SI: variants seen among roughly 807,000 people sequenced by gnomAD.
The protein encoded by SI is sucrase-isomaltase.
Under a neutral mutation model 253.3 loss-of-function variants are expected in SI, and 235 were observed. That is an observed-to-expected ratio of 0.93 (90% CI 0.83 to 1.03). SI has a LOEUF of 1.03. Among genes scored for constraint, SI ranks in the 50% least tolerant of loss-of-function variants. The pLI is 0.00. For missense variants in SI, 2,442 were observed against 2,211.1 expected (o/e 1.10, Z -2.09); for synonymous variants, 819 against 712.0 (o/e 1.15, Z -2.39).
intron 12 of SI, among the ~76,000 whole-genome samples, chr3:165,055,896 C>T (rs1306557672): frequency 6.6e-6 from 1 of 151,946 alleles, no homozygotes; most frequent in Non-Finnish European, 1.5e-5. Context: ...AGAAGTGATG[C>T]CCAGAGAAGT....
intron 3 of SI, among the ~76,000 whole-genome samples, chr3:165,072,403 T>C (rs1714641299): frequency 6.6e-6 from 1 of 151,836 alleles, no homozygotes; most frequent in Non-Finnish European, 1.5e-5. Flanking sequence ...TAAAGATACA[T>C]AGCTATAAAT....
intron 38 of SI, among the ~76,000 whole-genome samples, chr3:164,997,180 T>C (rs2108136560): frequency 6.6e-6 from 1 of 151,868 alleles, no homozygotes; most frequent in East Asian, 1.9e-4. Flanking sequence ...TGAAAAAAAC[T>C]GAACCATTCT....
intron 3 of SI, among the ~76,000 whole-genome samples, chr3:165,074,021 A>G (rs775953504): frequency 1.3e-5 from 2 of 152,082 alleles, no homozygotes; most frequent in Admixed American, 6.6e-5. Context: ...AAAAAAAGGA[A>G]GAGTGAACTT....
chr3:165,065,741 T>C (rs1277574533), intron 6 of SI, among the ~76,000 whole-genome samples: 2 of 151,546 alleles, frequency 1.3e-5, no homozygotes, highest in African/African-American at 2.4e-5. Flanking sequence ...GGATAATTAA[T>C]TGATGTTTTT....
chr3:165,061,413 G>A (rs551392617), intron 9 of SI, among the ~76,000 whole-genome samples: 14 of 151,886 alleles, frequency 9.2e-5, no homozygotes, highest in South Asian at 4.2e-4. Context: ...AACTTTCTGC[G>A]CTTCTTTTCT....
the SI span, among the ~76,000 whole-genome samples, chr3:165,089,303 A>G: frequency 6.6e-6 from 1 of 152,156 alleles, no homozygotes; most frequent in African/African-American, 2.4e-5. Flanking sequence ...TTATAAGTAA[A>G]AATAAAGATG....
intron 1 of SI, among the ~76,000 whole-genome samples, chr3:165,076,543 C>G (rs1460338164): frequency 6.6e-6 from 1 of 151,614 alleles, no homozygotes; most frequent in Admixed American, 6.6e-5. Flanking sequence ...ACACTACTTT[C>G]CACAATATTG....
chr3:164,980,049 C>A (rs1475312716), intron 47 of SI, among the ~76,000 whole-genome samples: 2 of 151,698 alleles, frequency 1.3e-5, no homozygotes, highest in Non-Finnish European at 3.0e-5. Context: ...ACCATTGCTC[C>A]TTTTTGTCCA....
chr3:165,060,868 A>AAT lies in SI; in HGVS notation c.1021-843_1021-842dup, dbSNP rs1046617257. On this transcript the variant is annotated intron_variant, in intron 9 of 47. Transcript: ENST00000264382. ...ATATCTGGTATATATATTAAAAAAA[A>AAT]ATATATATATATATAGGATCCATGA... is the stretch of plus-strand genomic sequence containing the variant. Among the ~76,000 whole-genome samples, 31 of 145,408 alleles carry AAT rather than the reference A, an allele frequency of 2.1e-4. No homozygotes were observed. The South Asian group carries it at 3.0e-3, about 14-fold the overall frequency.
intron 46 of SI, 146 bp from the exon 47 acceptor site, chr3:164,982,556 A>C (rs2108108870): frequency 1.5e-6 from 1 of 663,098 alleles, no homozygotes; most frequent in Non-Finnish European, 2.6e-6. Context: ...TTTACATAAT[A>C]AACATGAATA....
chr3:164,995,192 C>A (rs552176360), intron 40 of SI, among the ~76,000 whole-genome samples: 1 of 151,554 alleles, frequency 6.6e-6, no homozygotes, highest in South Asian at 2.1e-4. Flanking sequence ...ATGATGATTC[C>A]AATTTTTCTG....
chr3:164,991,314 C>T, intron 44 of SI, 39 bp downstream of exon 44: 1 of 1,611,738 alleles, frequency 6.2e-7, no homozygotes, highest in Non-Finnish European at 8.5e-7. Context: ...CATGATGTAT[C>T]TCAAAATTTA....
chr3:165,049,771 G>T lies in SI; in HGVS notation c.1597+20C>A. 1 of 1,358,470 alleles carries T rather than the reference G, an allele frequency of 7.4e-7. No individual in the cohort carries two copies. The highest frequency in any genetic ancestry group is 1.1e-6 in the Non-Finnish European group (1 of 949,318). 84.2% of individuals were successfully genotyped at this position (1,358,470 alleles called of 1,614,324 possible). A position where few individuals can be genotyped will look rare whatever the true frequency, so the allele number is the denominator to read the frequency against. Reference sequence around the variant, plus strand: ...TTATTCTCAATTAAAACAGTAATTAGATAACCAAATAAATTTTACCAGGAG... The same window carrying T: ...TTATTCTCAATTAAAACAGTAATTATATAACCAAATAAATTTTACCAGGAG... On this transcript the variant is annotated intron_variant, in intron 14 of 47. Coordinates refer to ENST00000264382, the MANE Select transcript of SI (RefSeq NM_001041.4).
intron 17 of SI, 57 bp downstream of exon 17, chr3:165,043,002 T>C (rs1712924038): frequency 9.9e-7 from 1 of 1,005,686 alleles, no homozygotes; most frequent in South Asian, 1.3e-5. Context: ...TTTAAGTACA[T>C]TAATAAAAAC....
Position 165,013,061 on chromosome 3 carries a change from G to A in SI, c.4000-19C>T. On this transcript the variant is annotated intron_variant, in intron 33 of 47. Coordinates refer to ENST00000264382, the MANE Select transcript of SI (RefSeq NM_001041.4). ...GCCAAACCTACAAGAGACAAGACAT[G>A]GAAAAGCTGATCAAAACATAGTCAG... 6.5e-7 allele frequency: 1 copy of A among 1,533,404 alleles called. No individual in the cohort carries two copies. The highest frequency in any genetic ancestry group is 1.1e-5 in the South Asian group (1 of 89,352). The allele number at this position is 1,533,404 out of a possible 1,614,324, so 95.0% of individuals were successfully genotyped here.
chr3:165,023,543 C>A, intron 26 of SI, 27 bp downstream of exon 26: 2 of 1,495,476 alleles, frequency 1.3e-6, no homozygotes, highest in African/African-American at 2.8e-5. Flanking sequence ...ATGAGTTAAG[C>A]TTTGGGGTAG....
In SI at chr3:165,068,111, T is replaced by TGAAAG. The variant is rs1469720600; in HGVS notation, c.483+606_483+610dup. Among the ~76,000 whole-genome samples, 9 of 152,218 alleles carry TGAAAG rather than the reference T, an allele frequency of 5.9e-5. No individual in the cohort carries two copies. In the East Asian group the frequency reaches 1.5e-3, roughly 26 times the overall value. Reference sequence around the variant, plus strand: ...AATCATGAATAAAATTTATAATCAGTGAAAGTATTATGTTGCATGTATACG... The same window carrying TGAAAG: ...AATCATGAATAAAATTTATAATCAGTGAAAGGAAAGTATTATGTTGCATGTATACG... On this transcript the variant is annotated intron_variant, in intron 5 of 47. Coordinates refer to ENST00000264382, the MANE Select transcript of SI (RefSeq NM_001041.4).
intron 15 of SI, among the ~76,000 whole-genome samples, chr3:165,048,354 AG>A (rs1332608961): frequency 6.6e-6 from 1 of 151,684 alleles, no homozygotes; most frequent in Non-Finnish European, 1.5e-5. Context: ...ATTAGTTAGA[AG>A]GATATTAATT....
At chr3:165,008,723 T>C (rs1718632045) in intron 35 of SI, among the ~76,000 whole-genome samples, 1 of 151,966 alleles carries the variant, frequency 6.6e-6, no homozygotes, top group Non-Finnish European at 1.5e-5. Context: ...AAATTAATGC[T>C]TTACACTGGA....
Sources: allele counts gnomAD v4.1 joint callset (sites outside exome capture counted in the v4.1 genomes callset), GRCh38; gene constraint gnomAD v4.1.1; transcripts MANE v1.5; gene names NCBI Gene and HGNC (gene_info 2026-07-23, HGNC 2026-07-21).